The following SIM1 variants were observed in gnomAD, a reference collection of about 807,000 sequenced individuals.
SIM1 encodes the protein single-minded homolog 1.
In SIM1, 18 loss-of-function variants were observed where a neutral mutation model predicts 78.2. That is an observed-to-expected ratio of 0.23 (90% CI 0.16 to 0.34). The LOEUF is 0.34. Among genes scored for constraint, SIM1 ranks in the 10% least tolerant of loss-of-function variants. The pLI, the probability that SIM1 is intolerant of heterozygous loss-of-function variation, is 1.00. For synonymous variants in SIM1, 417 were observed against 385.2 expected (o/e 1.08, Z -0.97); for missense variants, 939 against 975.1 (o/e 0.96, Z 0.49).
intron 2 of SIM1, among the ~76,000 whole-genome samples, chr6:100,460,015 T>C (rs1339517874): frequency 1.3e-5 from 2 of 152,254 alleles, no homozygotes; most frequent in East Asian, 3.8e-4. Context: ...ATAGAATATG[T>C]CACTAATTGG....
chr6:100,448,101 GGATGCGCCAA>G, intron 8 of SIM1, 35 bp downstream of exon 8: 1 of 1,490,478 alleles, frequency 6.7e-7, no homozygotes, highest in South Asian at 1.2e-5. Flanking sequence ...CCTAACCAGC[GGATGCGCCAA>G]GGTTGCTAGG....
intron 9 of SIM1, among the ~76,000 whole-genome samples, chr6:100,433,455 T>A (rs933387205): frequency 1.3e-5 from 2 of 152,202 alleles, no homozygotes; most frequent in Admixed American, 1.3e-4. Context: ...TTATGAATCT[T>A]TAGAGAAACC....
intron 10 of SIM1, among the ~76,000 whole-genome samples, chr6:100,420,064 G>T (rs527345852): frequency 6.6e-6 from 1 of 152,352 alleles, no homozygotes; most frequent in Non-Finnish European, 1.5e-5. Flanking sequence ...GATATTGGGA[G>T]TGGGTAATTC....
At chr6:100,449,251 TG>T in intron 6 of SIM1, 111 bp downstream of exon 6, 1 of 834,498 alleles carries the variant, frequency 1.2e-6, no homozygotes, top group Non-Finnish European at 2.0e-6. Context: ...CGACGCAAGC[TG>T]GGGGTGCCCT....
chr6:100,417,975 A>G (rs1771448280), intron 10 of SIM1, among the ~76,000 whole-genome samples: 1 of 152,238 alleles, frequency 6.6e-6, no homozygotes, highest in African/African-American at 2.4e-5. Context: ...CATTAACCAC[A>G]ATAACAAATA....
At chr6:100,397,183 AG>A (rs1290325047) in intron 10 of SIM1, among the ~76,000 whole-genome samples, 1 of 152,224 alleles carries the variant, frequency 6.6e-6, no homozygotes, top group Non-Finnish European at 1.5e-5. Context: ...CAATTTCATT[AG>A]GAATTACATG....
At chr6:100,410,859 C>G (rs1219408057) in intron 10 of SIM1, among the ~76,000 whole-genome samples, 1 of 152,102 alleles carries the variant, frequency 6.6e-6, no homozygotes, top group Non-Finnish European at 1.5e-5. Context: ...TTCCAGAGAG[C>G]CTGGAACCAG....
chr6:100,450,696 T>TCTCTCACACACACA lies in SIM1; in HGVS notation c.259-341_259-340insTGTGTGTGTGAGAG, dbSNP rs1421452803. ...CTCTCTCTCTCTCTCTCTCTCTCTC[T>TCTCTCACACACACA]CACACACACACACACACACACACAC... On this transcript the variant is annotated intron_variant, in intron 3 of 11. Transcript: ENST00000369208. Among the ~76,000 whole-genome samples the TCTCTCACACACACA allele has an allele frequency of 1.8e-3, 163 of 91,930 alleles. 1 individual carries two copies. The highest frequency in any genetic ancestry group is 0.013 in the South Asian group (27 of 2,126). The allele number at this position is 91,930 out of a possible 152,430, so 60.3% of individuals were successfully genotyped here. A position where few individuals can be genotyped will look rare whatever the true frequency, so the allele number is the denominator to read the frequency against.
At chr6:100,454,011 C>T (rs1772583573) in intron 2 of SIM1, among the ~76,000 whole-genome samples, 167 bp from the exon 3 acceptor site, 1 of 152,196 alleles carries the variant, frequency 6.6e-6, no homozygotes, top group Non-Finnish European at 1.5e-5. Context: ...ACATTTCAGT[C>T]CGTCCTGTCA....
chr6:100,418,061 A>G (rs1771450993), intron 10 of SIM1, among the ~76,000 whole-genome samples: 1 of 152,208 alleles, frequency 6.6e-6, no homozygotes, highest in Non-Finnish European at 1.5e-5. Flanking sequence ...TAGAAGAAAG[A>G]ACAATTTTGG....
intron 10 of SIM1, among the ~76,000 whole-genome samples, chr6:100,408,480 T>G (rs1771107645): frequency 6.6e-6 from 1 of 152,076 alleles, no homozygotes; most frequent in African/African-American, 2.4e-5. Flanking sequence ...TTTTTCTATT[T>G]CTCTCTTTTC....
chr6:100,424,079 G>A lies in SIM1; in HGVS notation c.999-3121C>T, dbSNP rs376239529. 3.0e-4 allele frequency among the ~76,000 whole-genome samples: 24 copies of A among 80,144 alleles called. 1 individual carries two copies. Among genetic ancestry groups the A allele is most frequent in the Admixed American group, 1.7e-3 (9 of 5,186 alleles). 52.6% of individuals were successfully genotyped at this position (80,144 alleles called of 152,430 possible). A position where few individuals can be genotyped will look rare whatever the true frequency, so the allele number is the denominator to read the frequency against. On this transcript the variant is annotated intron_variant, in intron 9 of 11. Transcript: ENST00000369208. ...AGACCCCACCCCCCTCCCACCCCCC[G>A]CCCAGGGTACGCATCTCACTGTTGA...
At chr6:100,447,761 C>T (rs559386161) in intron 8 of SIM1, among the ~76,000 whole-genome samples, 2 of 152,330 alleles carry the variant, frequency 1.3e-5, no homozygotes, top group East Asian at 3.9e-4. Flanking sequence ...CGATCCCTGC[C>T]CGGGAGATTA....
chr6:100,423,036 T>C (rs1376180791), intron 9 of SIM1, among the ~76,000 whole-genome samples: 1 of 152,170 alleles, frequency 6.6e-6, no homozygotes, highest in African/African-American at 2.4e-5. Flanking sequence ...CAGTAAAAAT[T>C]TAGAAAGTGA....
chr6:100,456,510 C>A (rs946504413), intron 2 of SIM1, among the ~76,000 whole-genome samples: 3 of 152,158 alleles, frequency 2.0e-5, no homozygotes, highest in Admixed American at 6.5e-5. Flanking sequence ...CGGGGTTTTG[C>A]AAAAGAGAAA....
intron 9 of SIM1, among the ~76,000 whole-genome samples, chr6:100,422,598 A>G (rs1023724768): frequency 2.0e-5 from 3 of 152,050 alleles, no homozygotes; most frequent in African/African-American, 7.2e-5. Flanking sequence ...CTTTGTCCCT[A>G]TTGGTTCTTC....
intron 9 of SIM1, among the ~76,000 whole-genome samples, chr6:100,435,756 T>A (rs1772029108): frequency 1.3e-5 from 2 of 151,940 alleles, no homozygotes; most frequent in Admixed American, 1.3e-4. Context: ...AATTTAAAAA[T>A]TCACTGAGAT....
chr6:100,443,064 C>T (rs937735149), intron 9 of SIM1, among the ~76,000 whole-genome samples: 3 of 150,490 alleles, frequency 2.0e-5, no homozygotes, highest in Non-Finnish European at 3.0e-5. Flanking sequence ...ATAGAGCCCC[C>T]TTTTTTTTTC....
At chr6:100,414,873 A>G (rs968975851) in intron 10 of SIM1, among the ~76,000 whole-genome samples, 3 of 152,236 alleles carry the variant, frequency 2.0e-5, no homozygotes, top group Non-Finnish European at 4.4e-5. Context: ...TACCTTCACC[A>G]AAAGGAAGCC....
Sources: allele counts gnomAD v4.1 joint callset (sites outside exome capture counted in the v4.1 genomes callset), GRCh38; gene constraint gnomAD v4.1.1; transcripts MANE v1.5; gene names NCBI Gene and HGNC (gene_info 2026-07-23, HGNC 2026-07-21).